Variants in SORCS1 observed in about 807,000 individuals in gnomAD.
The protein encoded by SORCS1 is sortilin related VPS10 domain containing receptor 1, also known as VPS10 domain-containing receptor SorCS1.
Under a neutral mutation model 146.1 loss-of-function variants are expected in SORCS1, and 60 were observed. That is an observed-to-expected ratio of 0.41 (90% confidence interval 0.33 to 0.51). The LOEUF (loss-of-function observed/expected upper bound fraction) is 0.51. Among genes scored for constraint, SORCS1 ranks in the 20% least tolerant of loss-of-function variants. SORCS1 has a pLI of 0.21. For synonymous variants in SORCS1, 637 were observed against 584.0 expected (o/e 1.09, Z -1.31); for missense variants, 1,352 against 1,487.6 (o/e 0.91, Z 1.50).
At chr10:106,909,909 A>T (rs920263522) in intron 2 of SORCS1, among the ~76,000 whole-genome samples, 10 of 152,172 alleles carry the variant, frequency 6.6e-5, no homozygotes, top group Non-Finnish European at 2.9e-5. Context: ...GGGAATGGTT[A>T]AGTCTCCAGA....
rs1418309112 is a variant in SORCS1, at chr10:106,577,416, T to C, written c.*4A>G. 3.1e-6 allele frequency: 5 copies of C among 1,613,828 alleles called. No individual in the cohort carries two copies. Among genetic ancestry groups the C allele is most frequent in the Non-Finnish European group, 4.2e-6 (5 of 1,179,868 alleles). On this transcript the variant is annotated 3_prime_UTR_variant, in exon 26 of 26. Transcript: ENST00000263054. ...AGGTCGCCTGTAGCCTTTGGGGGTT[T>C]TCCTTAAATTGCATACTGTGCCCCA...
chr10:107,161,690 CAA>C (rs11287858), intron 1 of SORCS1, among the ~76,000 whole-genome samples: 73 of 144,924 alleles, frequency 5.0e-4, no homozygotes, highest in South Asian at 3.1e-3. Flanking sequence ...ACAAAACGGC[CAA>C]AAAAAAAAAG....
chr10:107,151,405 A>G (rs1968781295), intron 1 of SORCS1, among the ~76,000 whole-genome samples: 1 of 152,196 alleles, frequency 6.6e-6, no homozygotes, highest in Admixed American at 6.5e-5. Flanking sequence ...GAGACTGGGA[A>G]GAAAAAGAGG....
At chr10:106,844,611 A>T (rs942762561) in intron 2 of SORCS1, among the ~76,000 whole-genome samples, 4 of 150,316 alleles carry the variant, frequency 2.7e-5, no homozygotes, top group African/African-American at 9.8e-5. Context: ...TTTAAGTTTT[A>T]GGGTACATGT....
intron 24 of SORCS1, among the ~76,000 whole-genome samples, chr10:106,583,920 T>C (rs549445706): frequency 4.6e-5 from 7 of 152,310 alleles, no homozygotes; most frequent in African/African-American, 1.7e-4. Flanking sequence ...TTGTCCAGTG[T>C]TCACTTTCAT....
At chr10:107,036,586 G>C (rs1589985772) in intron 1 of SORCS1, among the ~76,000 whole-genome samples, 3 of 152,126 alleles carry the variant, frequency 2.0e-5, no homozygotes, top group Admixed American at 2.0e-4. Context: ...AAGCTATTTG[G>C]GTTGATTGGC....
chr10:106,810,575 C>T (rs1005101906), intron 3 of SORCS1, among the ~76,000 whole-genome samples: 1 of 152,164 alleles, frequency 6.6e-6, no homozygotes, highest in Non-Finnish European at 1.5e-5. Flanking sequence ...AAGAAGCTCC[C>T]CTCCCTGGGC....
At chr10:106,792,225 A>C (rs1474740433) in intron 3 of SORCS1, among the ~76,000 whole-genome samples, 1 of 152,224 alleles carries the variant, frequency 6.6e-6, no homozygotes. Flanking sequence ...TAGAAACTCT[A>C]AACTGCATAT....
At chr10:107,162,544 T>A (rs1969787413) in intron 1 of SORCS1, among the ~76,000 whole-genome samples, 1 of 152,208 alleles carries the variant, frequency 6.6e-6, no homozygotes, top group African/African-American at 2.4e-5. Flanking sequence ...GAGAACCATA[T>A]AAAATCACAG....
intron 1 of SORCS1, among the ~76,000 whole-genome samples, chr10:107,117,565 T>C (rs144393071): frequency 2.0e-5 from 3 of 152,286 alleles, no homozygotes; most frequent in Non-Finnish European, 4.4e-5. Context: ...TCTTCCCTAG[T>C]GGGCCTAGAA....
At position 107,152,408 on chromosome 10, in the gene SORCS1, C is replaced by T. The variant is rs564257025; in HGVS notation, c.558+11561G>A. On this transcript the variant is annotated intron_variant, in intron 1 of 25. Coordinates refer to ENST00000263054, the MANE Select transcript of SORCS1 (RefSeq NM_052918.5). ...GAGAAGAGAACCACTATCCTCCATA[C>T]CCCAGAATGGTAGATCCACCGACAA... is the stretch of plus-strand genomic sequence containing the variant. 5.3e-5 allele frequency among the ~76,000 whole-genome samples: 8 copies of T among 152,284 alleles called. No individual in the cohort carries two copies. The South Asian group carries it at 1.0e-3, about 20-fold the overall frequency.
chr10:106,955,870 G>C (rs1954915229), intron 2 of SORCS1, among the ~76,000 whole-genome samples: 1 of 152,138 alleles, frequency 6.6e-6, no homozygotes, highest in Non-Finnish European at 1.5e-5. Flanking sequence ...GCGCATGCCT[G>C]TAATCCCACC....
intron 2 of SORCS1, among the ~76,000 whole-genome samples, chr10:106,886,530 C>G (rs1286788465): frequency 6.6e-6 from 1 of 152,136 alleles, no homozygotes; most frequent in Non-Finnish European, 1.5e-5. Context: ...AGGAGGCTGT[C>G]TTTTCCAAGT....
At chr10:106,722,609 GT>G (rs1372116177) in intron 6 of SORCS1, among the ~76,000 whole-genome samples, 1 of 152,192 alleles carries the variant, frequency 6.6e-6, no homozygotes, top group Non-Finnish European at 1.5e-5. Context: ...TGGGAAACTT[GT>G]TATGAGGTTA....
intron 1 of SORCS1, among the ~76,000 whole-genome samples, chr10:106,977,655 G>C (rs1327667753): frequency 6.7e-6 from 1 of 148,386 alleles, no homozygotes; most frequent in Non-Finnish European, 1.5e-5. Context: ...TCTTGTGCTA[G>C]GACAGCACCT....
At chr10:107,105,803 C>T (rs528550002) in intron 1 of SORCS1, among the ~76,000 whole-genome samples, 14 of 152,226 alleles carry the variant, frequency 9.2e-5, no homozygotes, top group African/African-American at 2.6e-4. Context: ...CCAGACACAC[C>T]CAGGAACAAT....
intron 1 of SORCS1, among the ~76,000 whole-genome samples, chr10:106,994,785 G>A (rs1283137984): frequency 6.6e-6 from 1 of 152,190 alleles, no homozygotes; most frequent in Admixed American, 6.5e-5. Flanking sequence ...AAGAGAAGGA[G>A]AAGATGAAGA....
intron 8 of SORCS1, among the ~76,000 whole-genome samples, chr10:106,704,681 T>C (rs1854385724): frequency 6.6e-6 from 1 of 152,182 alleles, no homozygotes; most frequent in South Asian, 2.1e-4. Context: ...CAGAGCGAGA[T>C]TGTGTCTCAA....
intron 2 of SORCS1, among the ~76,000 whole-genome samples, chr10:106,834,334 A>C (rs184762267): frequency 2.0e-4 from 31 of 152,362 alleles, no homozygotes; most frequent in African/African-American, 7.5e-4. Context: ...AAGAACAAAA[A>C]ATATTGAGAA....
Sources: allele counts gnomAD v4.1 joint callset (sites outside exome capture counted in the v4.1 genomes callset), GRCh38; gene constraint gnomAD v4.1.1; transcripts MANE v1.5; gene names NCBI Gene and HGNC (gene_info 2026-07-23, HGNC 2026-07-21).